DISC1: variants seen among roughly 807,000 people sequenced by gnomAD.
DISC1 encodes the protein disrupted in schizophrenia 1 protein.
Under a neutral mutation model 84.5 loss-of-function variants are expected in DISC1, and 57 were observed. The ratio of observed to expected loss-of-function variants is 0.67; its 90% CI spans 0.55 to 0.84. The LOEUF is 0.84. Among genes scored for constraint, DISC1 ranks in the 40% least tolerant of loss-of-function variants. DISC1 has a pLI of 0.00. For missense variants in DISC1, 1,000 were observed against 1,057.8 expected (o/e 0.95, Z 0.76); for synonymous variants, 411 against 415.2 (o/e 0.99, Z 0.12).
intron 12 of DISC1, among the ~76,000 whole-genome samples, chr1:232,033,942 T>C (rs1670283594): frequency 2.6e-5 from 4 of 152,210 alleles, no homozygotes; most frequent in Admixed American, 2.6e-4. Flanking sequence ...CTCAATAGTC[T>C]TGTTTGCAAA....
intron 3 of DISC1, among the ~76,000 whole-genome samples, chr1:231,740,188 T>C (rs1236144884): frequency 1.3e-5 from 2 of 152,128 alleles, no homozygotes; most frequent in African/African-American, 2.4e-5. Context: ...ATCTACCCAG[T>C]CTATGGTACT....
intron 1 of DISC1, among the ~76,000 whole-genome samples, chr1:231,643,761 G>A (rs980394): frequency 0.35 from 52,519 of 152,064 alleles, 9,951 homozygotes; most frequent in East Asian, 0.8. Context: ...TGTAAGATGA[G>A]AGATAAAAGG....
intron 6 of DISC1, among the ~76,000 whole-genome samples, chr1:231,789,067 A>T (rs991867977): frequency 1.3e-5 from 2 of 152,218 alleles, no homozygotes; most frequent in African/African-American, 4.8e-5. Context: ...AACATAATAA[A>T]TTAGTAAGTT....
At chr1:231,658,460 C>A (rs1451039353) in intron 1 of DISC1, among the ~76,000 whole-genome samples, 1 of 152,030 alleles carries the variant, frequency 6.6e-6, no homozygotes, top group Non-Finnish European at 1.5e-5. Flanking sequence ...CCTATTTGAA[C>A]ACCCTTTATT....
intron 9 of DISC1, among the ~76,000 whole-genome samples, chr1:231,913,097 A>C (rs928369328): frequency 6.6e-6 from 1 of 151,968 alleles, no homozygotes; most frequent in East Asian, 1.9e-4. Context: ...TTTTTTATAG[A>C]GATGGGGTTT....
chr1:232,030,720 T>A (rs1282032014), intron 12 of DISC1, among the ~76,000 whole-genome samples: 4 of 152,178 alleles, frequency 2.6e-5, no homozygotes, highest in African/African-American at 9.7e-5. Flanking sequence ...TGGGAGACTG[T>A]CCTGCCTCCT....
intron 9 of DISC1, among the ~76,000 whole-genome samples, chr1:231,832,001 A>G (rs865797937): frequency 0.31 from 44,093 of 143,682 alleles, 6,916 homozygotes; most frequent in Admixed American, 0.37. Context: ...AGAAGGAAAT[A>G]TGGGGAAATG....
chr1:232,020,747 C>G (rs1257644846), intron 11 of DISC1, among the ~76,000 whole-genome samples: 1 of 152,130 alleles, frequency 6.6e-6, no homozygotes, highest in African/African-American at 2.4e-5. Context: ...AAGAAGCAAA[C>G]AAACTCTCTT....
At chr1:231,902,163 G>T (rs2088231555) in intron 9 of DISC1, among the ~76,000 whole-genome samples, 1 of 152,130 alleles carries the variant, frequency 6.6e-6, no homozygotes, top group South Asian at 2.1e-4. Flanking sequence ...GACTGGCACA[G>T]ATGCAACGTA....
intron 9 of DISC1, among the ~76,000 whole-genome samples, chr1:231,878,215 G>A (rs1260509920): frequency 6.6e-6 from 1 of 152,146 alleles, no homozygotes; most frequent in East Asian, 1.9e-4. Context: ...AGTTGGAGAG[G>A]AAAACTTAAA....
intron 4 of DISC1, among the ~76,000 whole-genome samples, chr1:231,751,518 A>T (rs2074599939): frequency 6.6e-6 from 1 of 152,228 alleles, no homozygotes; most frequent in South Asian, 2.1e-4. Flanking sequence ...TATACAGTTC[A>T]GTGGTATTGA....
At chr1:232,003,079 A>G (rs1321991192) in intron 10 of DISC1, among the ~76,000 whole-genome samples, 4 of 152,176 alleles carry the variant, frequency 2.6e-5, no homozygotes, top group African/African-American at 9.6e-5. Context: ...GAAAAATAGA[A>G]AAAAAGAAGG....
intron 9 of DISC1, among the ~76,000 whole-genome samples, chr1:231,952,090 C>CAAAAAAAAAAAA (rs11392611): frequency 2.0e-4 from 11 of 54,240 alleles, no homozygotes; most frequent in East Asian, 6.1e-4. Context: ...CTCAATGTCT[C>CAAAAAAAAAAAA]AAAAAAAAAA....
At chr1:231,749,791 G>A (rs2074404406) in intron 3 of DISC1, 135 bp from the exon 4 acceptor site, 2 of 1,137,580 alleles carry the variant, frequency 1.8e-6, no homozygotes, top group East Asian at 2.5e-5. Flanking sequence ...GAAAGTGCTG[G>A]CCTAGAAACT....
intron 1 of DISC1, among the ~76,000 whole-genome samples, chr1:231,666,766 A>G (rs952603424): frequency 6.6e-6 from 1 of 152,160 alleles, no homozygotes; most frequent in African/African-American, 2.4e-5. Context: ...AAAGGCGTTC[A>G]TCTTCACCCC....
intron 6 of DISC1, chr1:231,774,807 TG>T: frequency 2.2e-6 from 1 of 455,246 alleles, no homozygotes; most frequent in Non-Finnish European, 4.4e-6. Flanking sequence ...TAGAACCAGC[TG>T]GCTCAACAGG....
chr1:231,949,911 C>T (rs919055775), intron 9 of DISC1, among the ~76,000 whole-genome samples: 1 of 152,170 alleles, frequency 6.6e-6, no homozygotes, highest in African/African-American at 2.4e-5. Flanking sequence ...GGCATAAAAC[C>T]CAAGTGGGTC....
At chr1:231,818,882 C>G in intron 9 of DISC1, 1 of 1,067,758 alleles carries the variant, frequency 9.4e-7, no homozygotes, top group Non-Finnish European at 1.1e-6. Flanking sequence ...TCTGCACAAT[C>G]ATAGACTAAA....
At chr1:231,772,003 G>T (rs1243951261) in intron 6 of DISC1, among the ~76,000 whole-genome samples, 1 of 151,346 alleles carries the variant, frequency 6.6e-6, no homozygotes, top group Non-Finnish European at 1.5e-5. Context: ...TTGCAGAAAT[G>T]GTGTCTCTCT....
Sources: allele counts gnomAD v4.1 joint callset (sites outside exome capture counted in the v4.1 genomes callset), GRCh38; gene constraint gnomAD v4.1.1; transcripts MANE v1.5; gene names NCBI Gene and HGNC (gene_info 2026-07-23, HGNC 2026-07-21).